MTUS2: variants seen among roughly 807,000 people sequenced by gnomAD.
MTUS2 encodes the protein microtubule-associated tumor suppressor candidate 2.
A neutral mutation model predicts 114.1 loss-of-function variants in MTUS2; 40 were observed. The ratio of observed to expected loss-of-function variants is 0.35; its 90% confidence interval spans 0.27 to 0.46. MTUS2 has a LOEUF of 0.46. Ranked by LOEUF, MTUS2 falls within the 20% of genes least tolerant of loss-of-function variation. The probability of loss-of-function intolerance (pLI) is 1.00; values close to 1 mark genes in which losing one functional copy is unlikely to be tolerated. For synonymous variants in MTUS2, 688 were observed against 672.0 expected, an observed-to-expected ratio of 1.02 and a Z score of -0.37; for missense variants, 1,679 against 1,705.4, an observed-to-expected ratio of 0.98 and a Z score of 0.27.
At chr13:28,899,550 C>T (rs897854084) in intron 2 of MTUS2, among the ~76,000 whole-genome samples, 1 of 152,102 alleles carries the variant, frequency 6.6e-6, no homozygotes, top group African/African-American at 2.4e-5. Context: ...GCTGGGACTA[C>T]AGGCGCCCAC....
At chr13:29,316,465 G>T (rs1899992984) in intron 6 of MTUS2, among the ~76,000 whole-genome samples, 1 of 152,134 alleles carries the variant, frequency 6.6e-6, no homozygotes, top group Admixed American at 6.5e-5. Context: ...CCATTTCCTG[G>T]TCTCTTAGTC....
chr13:29,473,081 T>C (rs1880435388), intron 9 of MTUS2, among the ~76,000 whole-genome samples: 1 of 152,176 alleles, frequency 6.6e-6, no homozygotes, highest in African/African-American at 2.4e-5. Context: ...TATAGTGACC[T>C]AAATATGTAT....
intron 1 of MTUS2, among the ~76,000 whole-genome samples, chr13:28,836,033 G>A (rs1875059077): frequency 1.3e-5 from 2 of 152,006 alleles, no homozygotes; most frequent in African/African-American, 4.8e-5. Context: ...AGGAGTTAAG[G>A]TACACTTTAT....
rs1566174006 is a variant in MTUS2 at position 29,389,713 on chromosome 13, A to ATATATACATACATATGTGTGTATATG, written c.3117+30312_3117+30337dup. Among the ~76,000 whole-genome samples, 25 of 124,516 alleles carry ATATATACATACATATGTGTGTATATG rather than the reference A, an allele frequency of 2.0e-4. 2 individuals carry two copies. The highest frequency in any genetic ancestry group is 7.7e-4 in the African/African-American group (24 of 31,066). 81.7% of individuals were successfully genotyped at this position (124,516 alleles called of 152,430 possible). On this transcript the variant is annotated intron_variant, in intron 8 of 15. Transcript: ENST00000612955. ...TATATATGTGTATATGTGTATATGT[A>ATATATACATACATATGTGTGTATATG]TATATACATACATATGTGTGTATAT...
intron 8 of MTUS2, among the ~76,000 whole-genome samples, chr13:29,370,552 T>C (rs999782743): frequency 3.3e-5 from 5 of 152,162 alleles, no homozygotes; most frequent in Non-Finnish European, 7.4e-5. Context: ...ACTCTTGATA[T>C]ATTTGGCTCC....
chr13:29,234,319 C>T (rs1160621896), intron 5 of MTUS2, among the ~76,000 whole-genome samples: 1 of 152,090 alleles, frequency 6.6e-6, no homozygotes, highest in Non-Finnish European at 1.5e-5. Flanking sequence ...ACCGAAGACT[C>T]CTCCACACGT....
intron 4 of MTUS2, among the ~76,000 whole-genome samples, chr13:29,074,077 C>T (rs1785297827): frequency 6.6e-6 from 1 of 152,100 alleles, no homozygotes; most frequent in African/African-American, 2.4e-5. Flanking sequence ...CCTTGCCCCT[C>T]TCCAGCCCAT....
Position 29,281,878 on chromosome 13 carries a change from G to T in MTUS2, c.2806+13G>T. On this transcript the variant is annotated intron_variant, in intron 6 of 15. Coordinates refer to ENST00000612955, the MANE Select transcript of MTUS2 (RefSeq NM_001033602.4). ...TCCACACCCGCTGGTAAGACTTTGT[G>T]CCTTGGAGAGGCTCCATGGTGGAGT... The T allele has an allele frequency of 6.4e-7, 1 of 1,568,602 alleles. No individual in the cohort carries two copies. Among genetic ancestry groups the T allele is most frequent in the East Asian group, 2.3e-5 (1 of 44,092 alleles).
chr13:28,882,204 T>G (rs1593268108), intron 2 of MTUS2, among the ~76,000 whole-genome samples: 2 of 151,914 alleles, frequency 1.3e-5, no homozygotes, highest in Non-Finnish European at 2.9e-5. Context: ...GGATTACAGG[T>G]GCATGCCATC....
chr13:29,304,920 C>A (rs898200277), intron 6 of MTUS2, among the ~76,000 whole-genome samples: 11 of 151,664 alleles, frequency 7.3e-5, no homozygotes, highest in African/African-American at 1.5e-4. Flanking sequence ...TAAAAAAAAA[C>A]AACAAATCAT....
intron 1 of MTUS2, among the ~76,000 whole-genome samples, chr13:28,827,171 AT>A (rs1334848743): frequency 6.6e-6 from 1 of 152,234 alleles, no homozygotes; most frequent in Non-Finnish European, 1.5e-5. Context: ...TAGCAGAATA[AT>A]TTTGGTTGAA....
intron 8 of MTUS2, among the ~76,000 whole-genome samples, chr13:29,384,297 A>G (rs1172819728): frequency 6.6e-6 from 1 of 152,252 alleles, no homozygotes; most frequent in Non-Finnish European, 1.5e-5. Context: ...TTCTGATATC[A>G]TCTGAACTTT....
At chr13:28,929,717 C>T (rs1426350244) in intron 2 of MTUS2, among the ~76,000 whole-genome samples, 1 of 152,154 alleles carries the variant, frequency 6.6e-6, no homozygotes, top group African/African-American at 2.4e-5. Flanking sequence ...GGTTTATTTA[C>T]CCAACAGCAA....
intron 11 of MTUS2, among the ~76,000 whole-genome samples, chr13:29,490,388 C>T (rs1166317242): frequency 3.9e-5 from 6 of 152,114 alleles, no homozygotes; most frequent in African/African-American, 1.4e-4. Context: ...TGATGCAGGC[C>T]GATTAATGAG....
At chr13:29,139,934 C>G (rs1262581862) in intron 5 of MTUS2, among the ~76,000 whole-genome samples, 3 of 152,098 alleles carry the variant, frequency 2.0e-5, no homozygotes, top group Non-Finnish European at 4.4e-5. Context: ...TGGTTTTCCT[C>G]TATTAATCAT....
At chr13:29,326,914 A>G (rs891201265) in intron 7 of MTUS2, among the ~76,000 whole-genome samples, 1 of 152,186 alleles carries the variant, frequency 6.6e-6, no homozygotes, top group African/African-American at 2.4e-5. Flanking sequence ...TGGGAGGCAG[A>G]GGTTGCAGTG....
rs543039889 is a variant in MTUS2, at chr13:29,026,769, C to A, written c.2071C>A (p.Pro691Thr). 1.1e-5 allele frequency: 18 copies of A among 1,613,854 alleles called. No individual in the cohort carries two copies. In the African/African-American group the frequency reaches 2.4e-4, roughly 22 times the overall value. ...GAAGGCAGCAGGTGGTGACCTGAAG[C>A]CATCTGCCAACCTCTATGAGAAATT... Reference protein sequence around the residue: ...EEKAAGGDLKPSANLYEKFKP... With the variant: ...EEKAAGGDLKTSANLYEKFKP... Residue 691 changes from proline to threonine, a missense_variant, in exon 3 of 16, where the codon CCA becomes ACA. Transcript: ENST00000612955.
At chr13:29,447,700 G>A (rs4612913) in intron 9 of MTUS2, among the ~76,000 whole-genome samples, 1,532 of 151,412 alleles carry the variant, frequency 0.01, 23 homozygotes, top group African/African-American at 0.035. Flanking sequence ...TGGGGTTTAC[G>A]GGAATTGGGT....
At chr13:28,934,414 C>T (rs1881781418) in intron 2 of MTUS2, among the ~76,000 whole-genome samples, 1 of 152,130 alleles carries the variant, frequency 6.6e-6, no homozygotes, top group Non-Finnish European at 1.5e-5. Flanking sequence ...GTACTGTTTA[C>T]TAAAGGCCAT....
Sources: gnomAD v4.1 joint callset for allele counts (sites outside exome capture counted in the v4.1 genomes callset) on GRCh38, gnomAD v4.1.1 for gene constraint, MANE v1.5 for transcripts, NCBI Gene and HGNC (gene_info 2026-07-23, HGNC 2026-07-21) for gene names.